The following UBE2E2 variants were observed in gnomAD, a reference collection of about 807,000 sequenced individuals.
UBE2E2 encodes ubiquitin-conjugating enzyme E2 E2.
In UBE2E2, 6 loss-of-function variants were observed where a neutral mutation model predicts 24.7. That is an observed-to-expected ratio of 0.24 (90% CI 0.13 to 0.48). The LOEUF is 0.48. UBE2E2 is among the 20% of genes least tolerant of loss of function. The pLI, the probability that UBE2E2 is intolerant of heterozygous loss-of-function variation, is 0.99. For missense variants in UBE2E2, 169 were observed against 245.0 expected (o/e 0.69, Z 2.07); for synonymous variants, 104 against 83.6 (o/e 1.24, Z -1.33).
chr3:23,390,572 A>G (rs185713281), intron 3 of UBE2E2, among the ~76,000 whole-genome samples: 2 of 152,328 alleles, frequency 1.3e-5, no homozygotes, highest in African/African-American at 2.4e-5. Context: ...CCAAGAGGGC[A>G]GAGTGTAAAA....
intron 5 of UBE2E2, among the ~76,000 whole-genome samples, chr3:23,569,472 A>G (rs965675378): frequency 2.0e-5 from 3 of 152,226 alleles, no homozygotes; most frequent in South Asian, 2.1e-4. Context: ...GGTGTATTGT[A>G]TGGTATGTGA....
chr3:23,306,093 G>GT (rs1699228969), intron 3 of UBE2E2, among the ~76,000 whole-genome samples: 1 of 152,172 alleles, frequency 6.6e-6, no homozygotes. Context: ...CTGAAAAAGT[G>GT]TTTAAGAAAA....
chr3:23,568,734 C>CAT (rs147246103), intron 5 of UBE2E2, among the ~76,000 whole-genome samples: 313 of 131,388 alleles, frequency 2.4e-3, no homozygotes, highest in East Asian at 4.4e-3. Context: ...TATATGTATA[C>CAT]ATATATATAT....
At chr3:23,479,332 C>T (rs913549455) in intron 3 of UBE2E2, among the ~76,000 whole-genome samples, 5 of 152,166 alleles carry the variant, frequency 3.3e-5, no homozygotes, top group African/African-American at 7.2e-5. Flanking sequence ...CTAGATCAGA[C>T]GTACCACAAG....
At chr3:23,580,820 A>C (rs1214585073) in intron 5 of UBE2E2, among the ~76,000 whole-genome samples, 1 of 152,206 alleles carries the variant, frequency 6.6e-6, no homozygotes, top group African/African-American at 2.4e-5. Context: ...AAGCAAACAA[A>C]CATAATCATA....
At chr3:23,538,147 G>T (rs894073327) in intron 5 of UBE2E2, among the ~76,000 whole-genome samples, 30 of 152,148 alleles carry the variant, frequency 2.0e-4, no homozygotes, top group Non-Finnish European at 1.5e-5. Context: ...AATAACTACA[G>T]TTGGCTACCT....
chr3:23,366,782 A>T (rs1696266811), intron 3 of UBE2E2, among the ~76,000 whole-genome samples: 1 of 152,170 alleles, frequency 6.6e-6, no homozygotes, highest in Non-Finnish European at 1.5e-5. Context: ...AAAAAAGAAG[A>T]AAAAAATACC....
chr3:23,586,038 A>G (rs1696618384), intron 5 of UBE2E2, among the ~76,000 whole-genome samples: 1 of 152,110 alleles, frequency 6.6e-6, no homozygotes, highest in Non-Finnish European at 1.5e-5. Context: ...TTAAGCATAT[A>G]CAATTTACCA....
chr3:23,268,562 G>C (rs376228996), intron 3 of UBE2E2, among the ~76,000 whole-genome samples: 17 of 146,378 alleles, frequency 1.2e-4, no homozygotes, highest in South Asian at 8.9e-4. Context: ...AGGATACAAA[G>C]AAATGGAAGA....
At position 23,556,453 on chromosome 3, in the gene UBE2E2, T is replaced by TAAAA. The variant is rs1321819270; in HGVS notation, c.508+23752_508+23753insAAAA. 5.7e-3 allele frequency among the ~76,000 whole-genome samples: 393 copies of TAAAA among 68,972 alleles called. 10 individuals are homozygous for TAAAA. Among genetic ancestry groups the TAAAA allele is most frequent in the South Asian group, 0.017 (42 of 2,408 alleles). The allele number at this position is 68,972 out of a possible 152,430, so 45.2% of individuals were successfully genotyped here. A position where few individuals can be genotyped will look rare whatever the true frequency, so the allele number is the denominator to read the frequency against. Reference sequence around the variant, plus strand: ...ACCATGCCCAGCCAATAAAATTTATTTAAAAAAAAAAAAAAAAAAGCTATA... The same window carrying TAAAA: ...ACCATGCCCAGCCAATAAAATTTATTAAAATAAAAAAAAAAAAAAAAAAGCTATA... On this transcript the variant is annotated intron_variant, in intron 5 of 5. Coordinates refer to ENST00000396703, the MANE Select transcript of UBE2E2 (RefSeq NM_152653.4).
At chr3:23,487,188 G>A (rs1475967348) in intron 3 of UBE2E2, among the ~76,000 whole-genome samples, 5 of 152,182 alleles carry the variant, frequency 3.3e-5, no homozygotes, top group Admixed American at 6.5e-5. Context: ...CACCCAGCTC[G>A]GTCGCAGCAG....
chr3:23,445,400 CT>C (rs1467136625), intron 3 of UBE2E2, among the ~76,000 whole-genome samples: 1 of 152,154 alleles, frequency 6.6e-6, no homozygotes, highest in East Asian at 1.9e-4. Context: ...TTCTAGGCCC[CT>C]GATCAAACAG....
intron 3 of UBE2E2, among the ~76,000 whole-genome samples, chr3:23,261,427 G>A (rs534178046): frequency 2.0e-5 from 3 of 152,182 alleles, no homozygotes; most frequent in Admixed American, 1.3e-4. Context: ...TAGCTAACAC[G>A]TGTATCACCT....
chr3:23,301,362 GA>G (rs1699083785), intron 3 of UBE2E2, among the ~76,000 whole-genome samples: 1 of 152,186 alleles, frequency 6.6e-6, no homozygotes, highest in Non-Finnish European at 1.5e-5. Flanking sequence ...GAGGCACTCT[GA>G]TTTTTAGTTT....
At chr3:23,428,860 G>GCCCAGGCCC in intron 3 of UBE2E2, among the ~76,000 whole-genome samples, 1 of 149,506 alleles carries the variant, frequency 6.7e-6, no homozygotes, top group Non-Finnish European at 1.5e-5. Flanking sequence ...CTGGGAAATG[G>GCCCAGGCCC]AGGCTGCAGT....
intron 4 of UBE2E2, among the ~76,000 whole-genome samples, chr3:23,524,686 A>G (rs1694951583): frequency 6.6e-6 from 1 of 152,200 alleles, no homozygotes. Context: ...TTAGTTATCC[A>G]AGAATGCTAC....
chr3:23,533,454 C>G (rs879777626), intron 5 of UBE2E2, among the ~76,000 whole-genome samples: 4 of 152,020 alleles, frequency 2.6e-5, no homozygotes, highest in East Asian at 1.9e-4. Flanking sequence ...TGAGTAAACT[C>G]TGTTCACTGG....
chr3:23,239,270 A>T (rs1275890292), intron 3 of UBE2E2, among the ~76,000 whole-genome samples: 2 of 152,158 alleles, frequency 1.3e-5, no homozygotes, highest in Admixed American at 6.5e-5. Context: ...CTGCCCATTT[A>T]AAAAAATTGA....
intron 3 of UBE2E2, among the ~76,000 whole-genome samples, chr3:23,223,501 T>G (rs952717371): frequency 3.3e-5 from 5 of 152,116 alleles, no homozygotes; most frequent in African/African-American, 1.2e-4. Context: ...TTTTGCCTGT[T>G]TTAAATTGGA....
Sources: allele counts gnomAD v4.1 joint callset (sites outside exome capture counted in the v4.1 genomes callset), GRCh38; gene constraint gnomAD v4.1.1; transcripts MANE v1.5; gene names NCBI Gene and HGNC (gene_info 2026-07-23, HGNC 2026-07-21).